TMEM117: variants seen among roughly 807,000 people sequenced by gnomAD.
The protein encoded by TMEM117 is transmembrane protein 117.
TMEM117 carries 27 observed loss-of-function variants against 52.4 expected under a neutral mutation model. That is an observed-to-expected ratio of 0.51 (90% CI 0.38 to 0.71). TMEM117 has a LOEUF of 0.71. Ranked by LOEUF, TMEM117 falls within the 30% of genes least tolerant of loss-of-function variation. TMEM117 has a pLI of 0.00. For missense variants in TMEM117, 556 were observed against 630.5 expected (o/e 0.88, Z 1.26); for synonymous variants, 215 against 206.3 (o/e 1.04, Z -0.36).
At chr12:43,898,332 G>A (rs1192898684) in intron 2 of TMEM117, among the ~76,000 whole-genome samples, 2 of 149,640 alleles carry the variant, frequency 1.3e-5, no homozygotes, top group East Asian at 1.9e-4. Flanking sequence ...GTGTCAAGCT[G>A]GACTTTCAGG....
At chr12:43,842,138 G>T (rs1354930463) in intron 1 of TMEM117, among the ~76,000 whole-genome samples, 1 of 152,022 alleles carries the variant, frequency 6.6e-6, no homozygotes, top group Non-Finnish European at 1.5e-5. Flanking sequence ...ACCTATTCTG[G>T]CATTCTTACA....
At chr12:44,086,992 T>C (rs1033431966) in intron 3 of TMEM117, among the ~76,000 whole-genome samples, 1 of 147,620 alleles carries the variant, frequency 6.8e-6, no homozygotes, top group African/African-American at 2.5e-5. Flanking sequence ...ATATAATTAA[T>C]AATTATAAAT....
At chr12:44,161,235 T>C (rs1948894102) in intron 4 of TMEM117, among the ~76,000 whole-genome samples, 1 of 152,228 alleles carries the variant, frequency 6.6e-6, no homozygotes, top group African/African-American at 2.4e-5. Context: ...AATTTTTGCG[T>C]CTGTTCCTAT....
the TMEM117 span, chr12:43,802,340 C>T: frequency 6.3e-7 from 1 of 1,592,364 alleles, no homozygotes. Flanking sequence ...CCTGGGCATT[C>T]TGAGAATCTA....
At chr12:44,105,788 G>A (rs373536130) in intron 3 of TMEM117, among the ~76,000 whole-genome samples, 1 of 151,986 alleles carries the variant, frequency 6.6e-6, no homozygotes, top group Non-Finnish European at 1.5e-5. Flanking sequence ...ATAAGGTTAG[G>A]CATCATAAAA....
chr12:44,153,686 A>G (rs569734776), intron 4 of TMEM117, among the ~76,000 whole-genome samples: 17 of 152,152 alleles, frequency 1.1e-4, no homozygotes, highest in Middle Eastern at 3.4e-3. Context: ...TTAAGTGCTA[A>G]GTGTTTTTAT....
intron 5 of TMEM117, among the ~76,000 whole-genome samples, chr12:44,250,964 C>A (rs532247056): frequency 5.3e-5 from 8 of 152,022 alleles, no homozygotes. Flanking sequence ...TGTAACAAAC[C>A]TACACGTTCT....
intron 6 of TMEM117, among the ~76,000 whole-genome samples, chr12:44,304,379 G>T (rs577976921): frequency 3.9e-5 from 6 of 152,290 alleles, no homozygotes; most frequent in African/African-American, 1.4e-4. Flanking sequence ...AAATAAATTT[G>T]AAAGGCAGTC....
intron 3 of TMEM117, among the ~76,000 whole-genome samples, chr12:44,071,235 T>G (rs1460151111): frequency 1.3e-5 from 2 of 152,178 alleles, no homozygotes; most frequent in South Asian, 4.1e-4. Context: ...CAGGTGTTTT[T>G]CCTCCTGCCT....
intron 6 of TMEM117, among the ~76,000 whole-genome samples, chr12:44,357,002 A>G (rs556396787): frequency 7.9e-5 from 12 of 152,218 alleles, no homozygotes; most frequent in African/African-American, 2.4e-4. Context: ...CCCTTCACAC[A>G]CTGGCTCCTT....
chr12:43,877,689 T>C (rs1312003178), intron 2 of TMEM117, among the ~76,000 whole-genome samples: 1 of 151,792 alleles, frequency 6.6e-6, no homozygotes, highest in African/African-American at 2.4e-5. Flanking sequence ...TTTTGAGGGC[T>C]TGTAGCAGCT....
intron 6 of TMEM117, among the ~76,000 whole-genome samples, chr12:44,355,593 A>G (rs1263334270): frequency 1.3e-5 from 2 of 152,054 alleles, no homozygotes; most frequent in Non-Finnish European, 2.9e-5. Context: ...TATAAATTCA[A>G]TGCTTTGAGA....
At chr12:44,347,785 T>C (rs1218099070) in intron 6 of TMEM117, among the ~76,000 whole-genome samples, 1 of 152,038 alleles carries the variant, frequency 6.6e-6, no homozygotes, top group Non-Finnish European at 1.5e-5. Context: ...CCGCTAACTG[T>C]ACCCTGTCAT....
chr12:44,385,570 A>T (rs1025066311), intron 7 of TMEM117, among the ~76,000 whole-genome samples: 2 of 152,154 alleles, frequency 1.3e-5, no homozygotes, highest in African/African-American at 4.8e-5. Flanking sequence ...ACTGTGCTCC[A>T]GCCTTGCAAC....
In TMEM117 at chr12:44,139,436, T is replaced by C. The variant is rs528256815; in HGVS notation, c.411-4089T>C. Reference sequence around the variant, plus strand: ...GTTTTAATAGGCTTGGTATCTCGTATTGTCAAGATGTTATGATAATTAGCC... The same window carrying C: ...GTTTTAATAGGCTTGGTATCTCGTACTGTCAAGATGTTATGATAATTAGCC... On this transcript the variant is annotated intron_variant, in intron 3 of 7. Transcript: ENST00000266534. 5.3e-5 allele frequency among the ~76,000 whole-genome samples: 8 copies of C among 152,104 alleles called. No homozygotes were observed. The South Asian group carries it at 1.5e-3, about 28-fold the overall frequency.
At chr12:43,855,307 G>A (rs1326735517) in intron 2 of TMEM117, among the ~76,000 whole-genome samples, 1 of 151,178 alleles carries the variant, frequency 6.6e-6, no homozygotes, top group Non-Finnish European at 1.5e-5. Flanking sequence ...TTGTTGCCCA[G>A]GCTGGAGTGC....
chr12:43,880,165 C>T (rs541821051), intron 2 of TMEM117, among the ~76,000 whole-genome samples: 37 of 152,160 alleles, frequency 2.4e-4, no homozygotes, highest in African/African-American at 8.4e-4. Context: ...CTCAATTCTA[C>T]GAATTTATGA....
At chr12:43,967,718 G>C (rs1474945774) in intron 3 of TMEM117, among the ~76,000 whole-genome samples, 1 of 152,160 alleles carries the variant, frequency 6.6e-6, no homozygotes, top group African/African-American at 2.4e-5. Flanking sequence ...AGAGGATCCA[G>C]CTAAATTGTG....
intron 1 of TMEM117, among the ~76,000 whole-genome samples, chr12:43,836,626 A>T (rs1430693712): frequency 2.0e-5 from 3 of 152,130 alleles, no homozygotes; most frequent in Non-Finnish European, 4.4e-5. Context: ...AACAGGTTGC[A>T]GTTCGTAGGT....
Sources: gnomAD v4.1 joint callset for allele counts (sites outside exome capture counted in the v4.1 genomes callset) on GRCh38, gnomAD v4.1.1 for gene constraint, MANE v1.5 for transcripts, NCBI Gene and HGNC (gene_info 2026-07-23, HGNC 2026-07-21) for gene names.